The following SLC26A3 variants were observed in gnomAD, a reference collection of about 807,000 sequenced individuals.
SLC26A3 encodes solute carrier family 26 member 3, also known as chloride anion exchanger.
A neutral mutation model predicts 85.6 loss-of-function variants in SLC26A3; 64 were observed. That is an observed-to-expected ratio of 0.75 (90% CI 0.61 to 0.92). SLC26A3 has a LOEUF of 0.92. Among genes scored for constraint, SLC26A3 ranks in the 40% least tolerant of loss-of-function variants. SLC26A3 has a pLI of 0.00. For synonymous variants in SLC26A3, 349 were observed against 336.0 expected, an observed-to-expected ratio of 1.04 and a Z score of -0.42; for missense variants, 922 against 927.3, an observed-to-expected ratio of 0.99 and a Z score of 0.07.
intron 7 of SLC26A3, among the ~76,000 whole-genome samples, 180 bp downstream of exon 7, chr7:107,787,177 C>G (rs1404498938): frequency 1.3e-5 from 2 of 152,164 alleles, no homozygotes; most frequent in East Asian, 3.8e-4. Flanking sequence ...AAAATTAACT[C>G]AAAATCATAA....
At chr7:107,785,826 C>G (rs1017752866) in intron 8 of SLC26A3, among the ~76,000 whole-genome samples, 3 of 151,956 alleles carry the variant, frequency 2.0e-5, no homozygotes, top group Admixed American at 2.0e-4. Flanking sequence ...AAAAAAAATA[C>G]ATATAAATGC....
chr7:107,778,839 A>G (rs1239714534), intron 12 of SLC26A3, among the ~76,000 whole-genome samples: 3 of 152,072 alleles, frequency 2.0e-5, no homozygotes. Flanking sequence ...AAAATAAAAA[A>G]AAATAGCTGA....
intron 7 of SLC26A3, 79 bp downstream of exon 7, chr7:107,787,278 C>T: frequency 6.6e-7 from 1 of 1,505,924 alleles, no homozygotes; most frequent in South Asian, 1.1e-5. Flanking sequence ...ACTAAAACTT[C>T]CTGAGCTACA....
intron 8 of SLC26A3, 125 bp downstream of exon 8, chr7:107,786,702 G>A (rs755636784): frequency 4.2e-5 from 35 of 824,812 alleles, no homozygotes; most frequent in Non-Finnish European, 5.3e-5. Context: ...GGGATGCAGG[G>A]TGCAGGGAGG....
At chr7:107,775,991 G>A (rs1794108710) in intron 15 of SLC26A3, 1 of 224,098 alleles carries the variant, frequency 4.5e-6, no homozygotes, top group Non-Finnish European at 8.8e-6. Context: ...CTGCTTCCTT[G>A]TCATCATCTC....
Position 107,787,519 on chromosome 7 carries a change from T to C in SLC26A3, c.736-10A>G, listed in dbSNP as rs764239077. 8.1e-6 allele frequency: 13 copies of C among 1,610,932 alleles called. No individual in the cohort carries two copies. Among genetic ancestry groups the C allele is most frequent in the African/African-American group, 1.3e-5 (1 of 74,794 alleles). On this transcript the variant is annotated splice_polypyrimidine_tract_variant and intron_variant, in intron 6 of 20. Coordinates refer to ENST00000340010, the MANE Select transcript of SLC26A3 (RefSeq NM_000111.3). ...ATACAGAGTATAGTACCTACAATTATAAAAACAAAAACCACCAAAGCCCTA... is the reference window on the plus strand; with the variant it reads ...ATACAGAGTATAGTACCTACAATTACAAAAACAAAAACCACCAAAGCCCTA...
At chr7:107,792,064 A>G (rs1794412603) in intron 3 of SLC26A3, 124 bp from the exon 4 acceptor site, 4 of 652,842 alleles carry the variant, frequency 6.1e-6, no homozygotes, top group Non-Finnish European at 1.1e-5. Flanking sequence ...TTCAAAATGT[A>G]TTAAAGATGT....
chr7:107,781,118 A>G (rs989233739), intron 11 of SLC26A3, among the ~76,000 whole-genome samples: 2 of 152,172 alleles, frequency 1.3e-5, no homozygotes, highest in Non-Finnish European at 2.9e-5. Context: ...TATACAACAG[A>G]TTACTTTTAA....
At chr7:107,791,738 T>C in intron 4 of SLC26A3, 92 bp downstream of exon 4, 1 of 851,958 alleles carries the variant, frequency 1.2e-6, no homozygotes, top group South Asian at 1.4e-5. Flanking sequence ...TCTCCTGGAT[T>C]ATGTGAAATT....
At chr7:107,776,802 CT>C in intron 13 of SLC26A3, 96 bp from the exon 14 acceptor site, 1 of 1,073,376 alleles carries the variant, frequency 9.3e-7, no homozygotes, top group Non-Finnish European at 1.4e-6. Context: ...AGCAGGCTCA[CT>C]TTTCAAAATG....
chr7:107,786,342 C>T (rs1011992664), intron 8 of SLC26A3, among the ~76,000 whole-genome samples: 10 of 151,984 alleles, frequency 6.6e-5, no homozygotes, highest in African/African-American at 2.4e-4. Context: ...TTTAAAAAAA[C>T]AAGAGATGGG....
At position 107,770,196 on chromosome 7, in the gene SLC26A3, G is replaced by GTTTTTTT. The variant is rs1554377240; in HGVS notation, c.2062+1851_2062+1857dup. Among the ~76,000 whole-genome samples, 2 of 896 alleles carry GTTTTTTT rather than the reference G, an allele frequency of 2.2e-3. 1 individual carries two copies. Among genetic ancestry groups the GTTTTTTT allele is most frequent in the African/African-American group, 5.8e-3 (2 of 342 alleles). 0.6% of individuals were successfully genotyped at this position (896 alleles called of 152,430 possible). On this transcript the variant is annotated intron_variant, in intron 18 of 20. Transcript: ENST00000340010. ...TTTTTTTTTTTAAAAAAAAAAAGGG[G>GTTTTTTT]TTTTTTTTTTTTTTTTTTTTTTTTT...
rs971575451 is a variant in SLC26A3 at position 107,773,110 on chromosome 7, C to T, written c.2007+810G>A. ...GATTAATCTGTGGAAAGAAAACACA[C>T]TGCAATCTGATTGTTTCAGTCGTGT... is the stretch of plus-strand genomic sequence containing the variant. On this transcript the variant is annotated intron_variant, in intron 17 of 20. Transcript: ENST00000340010. Among the ~76,000 whole-genome samples the T allele has an allele frequency of 2.0e-5, 3 of 152,328 alleles. No individual in the cohort carries two copies. In the South Asian group the frequency reaches 6.2e-4, roughly 32 times the overall value.
intron 1 of SLC26A3, among the ~76,000 whole-genome samples, chr7:107,801,782 A>T (rs1298964484): frequency 6.6e-6 from 1 of 152,054 alleles, no homozygotes; most frequent in Non-Finnish European, 1.5e-5. Flanking sequence ...CTAAATTTTC[A>T]TTAGGAATAA....
intron 16 of SLC26A3, 71 bp from the exon 17 acceptor site, chr7:107,774,224 G>C (rs929786938): frequency 9.8e-6 from 12 of 1,223,432 alleles, no homozygotes; most frequent in Non-Finnish European, 1.4e-5. Flanking sequence ...GATAGCCAGT[G>C]AGTTTCAGAA....
chr7:107,791,015 T>C (rs372008451), intron 5 of SLC26A3, 33 bp downstream of exon 5: 3 of 1,606,792 alleles, frequency 1.9e-6, no homozygotes, highest in African/African-American at 1.3e-5. Context: ...ATGAACAGAT[T>C]GAGGTGGGCA....
Position 107,772,297 on chromosome 7 carries a change from C to G in SLC26A3, c.2008-189G>C, listed in dbSNP as rs148142608. ...GCTCTGTGACAGAAATAAACCCAAA[C>G]AAAAGAACCCTTCTCCTCAGTAAGA... On this transcript the variant is annotated intron_variant, in intron 17 of 20. Transcript: ENST00000340010. Among the ~76,000 whole-genome samples the G allele has an allele frequency of 3.1e-3, 477 of 152,216 alleles. 4 individuals carry two copies. Among genetic ancestry groups the G allele is most frequent in the African/African-American group, 0.011 (461 of 41,556 alleles).
intron 1 of SLC26A3, among the ~76,000 whole-genome samples, chr7:107,802,718 G>A (rs1794618887): frequency 6.8e-6 from 1 of 148,124 alleles, no homozygotes; most frequent in Non-Finnish European, 1.5e-5. Context: ...CTCTCTCCTG[G>A]AGAAACTCTT....
At chr7:107,787,596 A>G (rs1794319654) in intron 6 of SLC26A3, 87 bp from the exon 7 acceptor site, 1 of 1,169,522 alleles carries the variant, frequency 8.6e-7, no homozygotes, top group Non-Finnish European at 1.2e-6. Flanking sequence ...AAAAATAAAC[A>G]TGGAAGCAAA....
Sources: gnomAD v4.1 joint callset for allele counts (sites outside exome capture counted in the v4.1 genomes callset) on GRCh38, gnomAD v4.1.1 for gene constraint, MANE v1.5 for transcripts, NCBI Gene and HGNC (gene_info 2026-07-23, HGNC 2026-07-21) for gene names.